GRID2: variants seen among roughly 807,000 people sequenced by gnomAD.
The protein encoded by GRID2 is glutamate receptor ionotropic, delta-2.
GRID2 carries 33 observed loss-of-function variants against 114.8 expected under a neutral mutation model. That is an observed-to-expected ratio of 0.29 (90% confidence interval 0.22 to 0.38). The LOEUF is 0.38. GRID2 is among the 10% of genes least tolerant of loss of function. GRID2 has a pLI of 1.00. For missense variants in GRID2, 1,184 were observed against 1,257.7 expected, an observed-to-expected ratio of 0.94 and a Z score of 0.89; for synonymous variants, 505 against 449.9, an observed-to-expected ratio of 1.12 and a Z score of -1.55.
At chr4:92,823,978 G>A (rs1297050455) in intron 2 of GRID2, among the ~76,000 whole-genome samples, 1 of 152,154 alleles carries the variant, frequency 6.6e-6, no homozygotes, top group African/African-American at 2.4e-5. Context: ...CAGGGATGGT[G>A]TCTATGGGGT....
chr4:92,911,683 T>C (rs1748392912), intron 2 of GRID2, among the ~76,000 whole-genome samples: 1 of 151,940 alleles, frequency 6.6e-6, no homozygotes, highest in African/African-American at 2.4e-5. Context: ...TTTTCTTTTT[T>C]AAATGTACCA....
chr4:93,568,343 T>C (rs1003926371), intron 13 of GRID2, among the ~76,000 whole-genome samples: 2 of 152,218 alleles, frequency 1.3e-5, no homozygotes, highest in African/African-American at 4.8e-5. Flanking sequence ...CTCAAAGTGG[T>C]TGGTAATCCC....
At chr4:93,486,285 A>G (rs999991614) in intron 11 of GRID2, among the ~76,000 whole-genome samples, 17 of 151,642 alleles carry the variant, frequency 1.1e-4, no homozygotes, top group African/African-American at 4.1e-4. Context: ...ACATATTCAT[A>G]TCATCACTAA....
At chr4:92,380,054 A>G (rs1406035289) in intron 1 of GRID2, among the ~76,000 whole-genome samples, 1 of 151,968 alleles carries the variant, frequency 6.6e-6, no homozygotes, top group Non-Finnish European at 1.5e-5. Context: ...TTTAAAGTAT[A>G]CATTCGAAAG....
rs1400607887 is a variant in GRID2, at chr4:92,424,610, CTAAAATT to C, written c.88+119869_88+119875del. Among the ~76,000 whole-genome samples the C allele has an allele frequency of 1.1e-4, 16 of 151,638 alleles. No homozygotes were observed. The South Asian group carries it at 2.9e-3, about 28-fold the overall frequency. The stretch of plus-strand genomic sequence containing the variant: ...TAACTATAAAACATCTATAAAAGAA[CTAAAATT>C]TACAAAACCCTCAGTGTAATGAATA... On this transcript the variant is annotated intron_variant, in intron 1 of 15. Coordinates refer to ENST00000282020, the MANE Select transcript of GRID2 (RefSeq NM_001510.4).
intron 2 of GRID2, among the ~76,000 whole-genome samples, chr4:92,946,654 C>T (rs1751655761): frequency 6.6e-6 from 1 of 152,044 alleles, no homozygotes; most frequent in Non-Finnish European, 1.5e-5. Flanking sequence ...TGCTTCTTCA[C>T]CTCTAAGACA....
chr4:92,846,017 A>G (rs561910797), intron 2 of GRID2, among the ~76,000 whole-genome samples: 1 of 152,044 alleles, frequency 6.6e-6, no homozygotes, highest in African/African-American at 2.4e-5. Context: ...CATTTTTGTC[A>G]CTAGAGAAAT....
At chr4:92,780,159 A>G (rs1739000786) in intron 2 of GRID2, among the ~76,000 whole-genome samples, 2 of 152,132 alleles carry the variant, frequency 1.3e-5, no homozygotes, top group Admixed American at 1.3e-4. Context: ...CAATTTAGAA[A>G]CTAATAATAG....
At chr4:93,392,021 T>C (rs927811506) in intron 8 of GRID2, among the ~76,000 whole-genome samples, 1 of 152,010 alleles carries the variant, frequency 6.6e-6, no homozygotes, top group Non-Finnish European at 1.5e-5. Context: ...GAAAGGAAAT[T>C]GAATTGGGTT....
At chr4:93,073,452 G>A (rs1728986645) in intron 2 of GRID2, among the ~76,000 whole-genome samples, 1 of 152,112 alleles carries the variant, frequency 6.6e-6, no homozygotes. Context: ...TGAAATATGT[G>A]TTAATAATCT....
chr4:93,448,273 A>T (rs567995413), intron 10 of GRID2, among the ~76,000 whole-genome samples: 3 of 152,108 alleles, frequency 2.0e-5, no homozygotes, highest in African/African-American at 7.2e-5. Flanking sequence ...GCATAATAAA[A>T]TTTTTAAATA....
Position 93,423,044 on chromosome 4 carries a change from A to G in GRID2, c.1545+76A>G, listed in dbSNP as rs752435767. 1,921 of 973,212 alleles carry G rather than the reference A, an allele frequency of 2.0e-3. 2 individuals carry two copies. Among genetic ancestry groups the G allele is most frequent in the Non-Finnish European group, 2.8e-3 (1,747 of 621,038 alleles). 60.3% of individuals were successfully genotyped at this position (973,212 alleles called of 1,614,324 possible). A position where few individuals can be genotyped will look rare whatever the true frequency, so the allele number is the denominator to read the frequency against. On this transcript the variant is annotated intron_variant, in intron 10 of 15. Transcript: ENST00000282020. Reference sequence around the variant, plus strand: ...TCTCATACCTAAAGGTTCAACAGTAACACCTTGAAGCTGATTTCATATAAA... The same window carrying G: ...TCTCATACCTAAAGGTTCAACAGTAGCACCTTGAAGCTGATTTCATATAAA...
chr4:93,288,606 A>G lies in GRID2; in HGVS notation c.1245+50116A>G, dbSNP rs1288210826. Reference sequence around the variant, plus strand: ...AACTCTGAGTTTCCTGGGCTTCCTCACCTATATACTTTTTATTGCATACAT... The same window carrying G: ...AACTCTGAGTTTCCTGGGCTTCCTCGCCTATATACTTTTTATTGCATACAT... On this transcript the variant is annotated intron_variant, in intron 8 of 15. Transcript: ENST00000282020. Among the ~76,000 whole-genome samples the G allele has an allele frequency of 2.6e-5, 4 of 152,026 alleles. 1 individual carries two copies. Among genetic ancestry groups the G allele is most frequent in the Admixed American group, 1.3e-4 (2 of 15,256 alleles).
chr4:93,707,668 A>T (rs1050295775), intron 14 of GRID2, among the ~76,000 whole-genome samples: 3 of 150,950 alleles, frequency 2.0e-5, no homozygotes, highest in Non-Finnish European at 4.4e-5. Context: ...GATCTTTTGT[A>T]TTTTTTGTTC....
intron 2 of GRID2, among the ~76,000 whole-genome samples, chr4:92,992,563 A>G (rs1231891086): frequency 6.6e-6 from 1 of 152,146 alleles, no homozygotes; most frequent in Non-Finnish European, 1.5e-5. Context: ...TTGCAATTTC[A>G]TATTGTGACT....
intron 2 of GRID2, among the ~76,000 whole-genome samples, chr4:93,001,432 A>T (rs1011337829): frequency 1.3e-5 from 2 of 151,696 alleles, no homozygotes; most frequent in East Asian, 1.9e-4. Context: ...ATGTAAATGA[A>T]TAATATGAAT....
chr4:92,916,359 G>A (rs910921797), intron 2 of GRID2, among the ~76,000 whole-genome samples: 2 of 151,650 alleles, frequency 1.3e-5, no homozygotes, highest in African/African-American at 4.8e-5. Flanking sequence ...TAGAGAAACC[G>A]ACACTGTTTT....
intron 1 of GRID2, among the ~76,000 whole-genome samples, chr4:92,493,975 CAA>C (rs1723269997): frequency 1.3e-5 from 2 of 152,074 alleles, no homozygotes; most frequent in South Asian, 4.1e-4. Flanking sequence ...GAAATGCAGA[CAA>C]AGACAATTAG....
chr4:92,774,821 T>A (rs540146092), intron 2 of GRID2, among the ~76,000 whole-genome samples: 1 of 152,018 alleles, frequency 6.6e-6, no homozygotes. Context: ...GTCTCAAACC[T>A]CTGGGCTCAA....
Sources: gnomAD v4.1 joint callset for allele counts (sites outside exome capture counted in the v4.1 genomes callset) on GRCh38, gnomAD v4.1.1 for gene constraint, MANE v1.5 for transcripts, NCBI Gene and HGNC (gene_info 2026-07-23, HGNC 2026-07-21) for gene names.